Variants in RIMS1 observed in about 807,000 individuals in gnomAD.
The protein encoded by RIMS1 is regulating synaptic membrane exocytosis protein 1.
RIMS1 carries 83 observed loss-of-function variants against 214.1 expected under a neutral mutation model. The ratio of observed to expected loss-of-function variants is 0.39; its 90% CI spans 0.32 to 0.47. RIMS1 has a LOEUF of 0.47. Among genes scored for constraint, RIMS1 ranks in the 20% least tolerant of loss-of-function variants. The probability of loss-of-function intolerance (pLI) is 0.99; values close to 1 mark genes in which losing one functional copy is unlikely to be tolerated. For missense variants in RIMS1, 2,050 were observed against 2,161.8 expected (o/e 0.95, Z 1.03); for synonymous variants, 793 against 786.8 (o/e 1.01, Z -0.13).
At chr6:72,271,285 AAATAT>A (rs1425630646) in intron 22 of RIMS1, among the ~76,000 whole-genome samples, 4 of 22,896 alleles carry the variant, frequency 1.7e-4, no homozygotes, top group African/African-American at 8.8e-4. Context: ...AAAAAAAAAA[AAATAT>A]ATATATATAT....
chr6:72,265,439 AT>A lies in RIMS1; in HGVS notation c.3247del (p.Ser1083ProfsTer12). 1 of 1,610,670 alleles carries A rather than the reference AT, an allele frequency of 6.2e-7. No individual in the cohort carries two copies. The highest frequency in any genetic ancestry group is 8.5e-7 in the Non-Finnish European group (1 of 1,177,602). The stretch of plus-strand genomic sequence containing the variant: ...GACCAAATCAGTGACTAGACAGGAC[AT>A]TTCCCTTCATCATGAATGCTTTAAC... ...TKTKSVTRQD[I>X]SLHHECFNST... On this transcript the variant is annotated frameshift_variant, in exon 21 of 34. Coordinates refer to ENST00000521978, the MANE Select transcript of RIMS1 (RefSeq NM_014989.7). LOFTEE classifies it high-confidence loss of function.
chr6:71,955,357 G>A (rs1175812529), intron 1 of RIMS1, among the ~76,000 whole-genome samples: 1 of 151,960 alleles, frequency 6.6e-6, no homozygotes, highest in African/African-American at 2.4e-5. Context: ...AGTAGAAACG[G>A]GGTTTCACCA....
At chr6:72,302,799 T>G (rs1250812971) in intron 26 of RIMS1, among the ~76,000 whole-genome samples, 3 of 151,560 alleles carry the variant, frequency 2.0e-5, no homozygotes, top group Admixed American at 1.3e-4. Context: ...GAGCTGACCT[T>G]GTTAAAAAAT....
At position 71,988,065 on chromosome 6, in the gene RIMS1, G is replaced by GT. The variant is rs551581264; in HGVS notation, c.245+19013dup. 7.7e-4 allele frequency among the ~76,000 whole-genome samples: 113 copies of GT among 147,038 alleles called. 1 individual carries two copies. Among genetic ancestry groups the GT allele is most frequent in the South Asian group, 1.3e-3 (6 of 4,614 alleles). On this transcript the variant is annotated intron_variant, in intron 2 of 33. Transcript: ENST00000521978. Reference sequence around the variant, plus strand: ...ATGTGTGGGTCAGCAGACTGCTGGAGTTTTTTTTTTTCTTCCAATTCTGAA... The same window carrying GT: ...ATGTGTGGGTCAGCAGACTGCTGGAGTTTTTTTTTTTTCTTCCAATTCTGAA...
At chr6:72,295,890 ATTTC>A (rs1458854508) in intron 26 of RIMS1, 6 of 353,646 alleles carry the variant, frequency 1.7e-5, no homozygotes, top group African/African-American at 1.1e-4. Flanking sequence ...AAATTTGCTG[ATTTC>A]TTTCTTTTGT....
At chr6:72,293,083 G>A (rs973838351) in intron 26 of RIMS1, among the ~76,000 whole-genome samples, 3 of 151,862 alleles carry the variant, frequency 2.0e-5, no homozygotes, top group African/African-American at 7.2e-5. Flanking sequence ...AGACTGATGT[G>A]GCATAGATTG....
chr6:72,186,717 ATAT>A (rs2049148363), intron 6 of RIMS1, among the ~76,000 whole-genome samples: 1 of 152,128 alleles, frequency 6.6e-6, no homozygotes, highest in African/African-American at 2.4e-5. Context: ...TATATACAAA[ATAT>A]TATAATTTAA....
intron 29 of RIMS1, among the ~76,000 whole-genome samples, chr6:72,354,920 C>CT (rs112853692): frequency 6.3e-4 from 96 of 151,898 alleles, no homozygotes; most frequent in Non-Finnish European, 8.2e-4. Context: ...TTTTTTAATT[C>CT]TTTTTTTTGT....
At chr6:72,322,405 A>T (rs1212473259) in intron 28 of RIMS1, among the ~76,000 whole-genome samples, 2 of 152,110 alleles carry the variant, frequency 1.3e-5, no homozygotes, top group African/African-American at 4.8e-5. Context: ...ATTTTAACGT[A>T]TGTCTTCATT....
chr6:72,230,458 A>T (rs2697438), intron 6 of RIMS1, among the ~76,000 whole-genome samples: 106,446 of 151,352 alleles, frequency 0.7, 38,275 homozygotes, highest in East Asian at 0.98. Context: ...TATTTAATAT[A>T]TGAAATTAGA....
At chr6:72,269,059 CCTT>C (rs1447780140) in intron 22 of RIMS1, among the ~76,000 whole-genome samples, 1 of 152,042 alleles carries the variant, frequency 6.6e-6, no homozygotes, top group African/African-American at 2.4e-5. Flanking sequence ...GGATGGTTTA[CCTT>C]CTTCCTTGGC....
chr6:72,060,757 A>G (rs1827644907), intron 2 of RIMS1, among the ~76,000 whole-genome samples: 1 of 152,100 alleles, frequency 6.6e-6, no homozygotes, highest in African/African-American at 2.4e-5. Flanking sequence ...GACTCATAAC[A>G]CTGATTTTTC....
chr6:72,206,867 T>C (rs979878267), intron 6 of RIMS1, among the ~76,000 whole-genome samples: 45 of 152,338 alleles, frequency 3.0e-4, no homozygotes, highest in Admixed American at 8.5e-4. Flanking sequence ...TTCAGTGGGT[T>C]GGGTGGCTTC....
chr6:72,216,544 T>G, intron 6 of RIMS1: 1 of 985,486 alleles, frequency 1.0e-6, no homozygotes, highest in Non-Finnish European at 1.2e-6. Flanking sequence ...CTGAGTAAGA[T>G]TCCTCAGTTA....
At chr6:72,373,852 T>G (rs2098293898) in intron 29 of RIMS1, among the ~76,000 whole-genome samples, 1 of 152,210 alleles carries the variant, frequency 6.6e-6, no homozygotes, top group Non-Finnish European at 1.5e-5. Flanking sequence ...CAAGTTCATG[T>G]TCATCTAATT....
intron 2 of RIMS1, among the ~76,000 whole-genome samples, chr6:72,094,778 G>C (rs1041910836): frequency 1.3e-5 from 2 of 151,974 alleles, no homozygotes; most frequent in African/African-American, 4.8e-5. Context: ...TTTAGAATAA[G>C]TGTATAGGGA....
At chr6:72,228,131 TTTA>T (rs1431812124) in intron 6 of RIMS1, among the ~76,000 whole-genome samples, 1 of 151,914 alleles carries the variant, frequency 6.6e-6, no homozygotes, top group African/African-American at 2.4e-5. Context: ...TTCCACCCTG[TTTA>T]TTATTATCTT....
intron 29 of RIMS1, among the ~76,000 whole-genome samples, chr6:72,336,237 A>G (rs1049305608): frequency 6.6e-6 from 1 of 151,638 alleles, no homozygotes; most frequent in East Asian, 1.9e-4. Context: ...TTAGTACCCT[A>G]TCATTCATTA....
intron 3 of RIMS1, among the ~76,000 whole-genome samples, chr6:72,099,567 A>C (rs943343452): frequency 5.9e-5 from 9 of 152,172 alleles, no homozygotes; most frequent in Non-Finnish European, 1.5e-5. Flanking sequence ...GACTATCAAT[A>C]TTTTAACAAT....
Sources: gnomAD v4.1 joint callset for allele counts (sites outside exome capture counted in the v4.1 genomes callset) on GRCh38, gnomAD v4.1.1 for gene constraint, MANE v1.5 for transcripts, NCBI Gene and HGNC (gene_info 2026-07-23, HGNC 2026-07-21) for gene names.